The following DLG2 variants were observed in gnomAD, a reference collection of about 807,000 sequenced individuals.
DLG2 encodes discs large MAGUK scaffold protein 2.
A neutral mutation model predicts 132.5 loss-of-function variants in DLG2; 45 were observed. The observed-to-expected ratio is 0.34, with a 90% CI of 0.27 to 0.44. The LOEUF (loss-of-function observed/expected upper bound fraction) is 0.44, where lower values mean the gene tolerates loss of function less well. Ranked by LOEUF, DLG2 falls within the 20% of genes least tolerant of loss-of-function variation. DLG2 has a pLI of 1.00. For missense variants in DLG2, 1,045 were observed against 1,196.9 expected, an observed-to-expected ratio of 0.87 and a Z score of 1.87; for synonymous variants, 424 against 419.6, an observed-to-expected ratio of 1.01 and a Z score of -0.13.
chr11:83,631,697 G>C (rs183805048), intron 19 of DLG2: 36 of 152,044 alleles, frequency 2.4e-4, no homozygotes, highest in African/African-American at 8.4e-4. Flanking sequence ...TCTAGTATCT[G>C]AACAATTTAT....
chr11:84,021,867 C>T (rs1481018070), intron 11 of DLG2, among the ~76,000 whole-genome samples: 2 of 152,036 alleles, frequency 1.3e-5, no homozygotes, highest in Admixed American at 6.6e-5. Flanking sequence ...CCTGCCTCAG[C>T]CTCCCAGGTA....
chr11:84,296,193 T>C (rs566140589), intron 7 of DLG2, among the ~76,000 whole-genome samples: 1 of 152,262 alleles, frequency 6.6e-6, no homozygotes, highest in South Asian at 2.1e-4. Context: ...TAGAGCAATG[T>C]TTGGCTTTTT....
intron 6 of DLG2, among the ~76,000 whole-genome samples, chr11:84,773,131 T>C (rs2069719375): frequency 6.6e-6 from 1 of 152,060 alleles, no homozygotes; most frequent in Non-Finnish European, 1.5e-5. Flanking sequence ...GCAAAAGCTC[T>C]CCAGAAACCA....
chr11:84,714,594 T>TC (rs1565749383), intron 6 of DLG2, among the ~76,000 whole-genome samples: 13 of 113,790 alleles, frequency 1.1e-4, no homozygotes, highest in African/African-American at 4.3e-4. Flanking sequence ...TCTCTTTCTC[T>TC]TTCTTTCTCT....
chr11:83,976,327 G>T (rs751635802), intron 12 of DLG2, among the ~76,000 whole-genome samples: 1 of 151,906 alleles, frequency 6.6e-6, no homozygotes, highest in Non-Finnish European at 1.5e-5. Flanking sequence ...TTTTTCCTAA[G>T]AAGTGTCAGA....
intron 6 of DLG2, among the ~76,000 whole-genome samples, chr11:84,579,188 C>CGTGTGTGTGTGTGTGTGTGT (rs140667305): frequency 6.9e-6 from 1 of 145,596 alleles, no homozygotes; most frequent in Non-Finnish European, 1.5e-5. Flanking sequence ...GCATTATTCA[C>CGTGTGTGTGTGTGTGTGTGT]GTGTGTGTGT....
chr11:84,136,841 G>A (rs970791610), intron 9 of DLG2, among the ~76,000 whole-genome samples: 3 of 152,132 alleles, frequency 2.0e-5, no homozygotes, highest in Non-Finnish European at 4.4e-5. Flanking sequence ...GCTGGGAGCT[G>A]AAAGATCTAT....
intron 7 of DLG2, among the ~76,000 whole-genome samples, chr11:84,458,896 T>A (rs1380651883): frequency 6.6e-6 from 1 of 150,698 alleles, no homozygotes; most frequent in Admixed American, 6.6e-5. Context: ...TACACGAAAT[T>A]CTTTACATGA....
intron 17 of DLG2, chr11:83,815,103 C>T (rs758517014): frequency 1.7e-4 from 26 of 153,234 alleles, no homozygotes; most frequent in Non-Finnish European, 3.5e-4. Flanking sequence ...TTAACGATGG[C>T]CACATTTAGA....
At chr11:84,765,072 A>G (rs1403909685) in intron 6 of DLG2, among the ~76,000 whole-genome samples, 1 of 152,072 alleles carries the variant, frequency 6.6e-6, no homozygotes, top group Non-Finnish European at 1.5e-5. Context: ...CATATTATTT[A>G]TTGTATATTA....
chr11:85,203,369 A>C (rs980517719), intron 4 of DLG2, among the ~76,000 whole-genome samples: 4 of 152,004 alleles, frequency 2.6e-5, no homozygotes, highest in Admixed American at 2.6e-4. Flanking sequence ...GAAAAAGGAG[A>C]CATTACAACT....
At chr11:83,864,561 A>G (rs1028350972) in intron 16 of DLG2, among the ~76,000 whole-genome samples, 1 of 152,194 alleles carries the variant, frequency 6.6e-6, no homozygotes, top group Non-Finnish European at 1.5e-5. Flanking sequence ...CCATTGGTCA[A>G]TAAAGGTTGC....
intron 17 of DLG2, among the ~76,000 whole-genome samples, chr11:83,825,556 G>A (rs1253064548): frequency 6.6e-6 from 1 of 152,006 alleles, no homozygotes; most frequent in Non-Finnish European, 1.5e-5. Context: ...TTTAAGTGAC[G>A]CTTGGGGCAA....
chr11:85,455,148 T>C (rs1369237141), intron 3 of DLG2, among the ~76,000 whole-genome samples: 2 of 152,210 alleles, frequency 1.3e-5, no homozygotes, highest in Non-Finnish European at 2.9e-5. Context: ...ATTCTCCCTA[T>C]CCATGAGCAT....
intron 6 of DLG2, among the ~76,000 whole-genome samples, chr11:85,067,534 G>A (rs1001066822): frequency 9.2e-5 from 14 of 151,878 alleles, no homozygotes; most frequent in Non-Finnish European, 1.8e-4. Flanking sequence ...CAGAGATTCT[G>A]GTATGTTGTG....
In DLG2 at chr11:85,376,661, C is replaced by T. The variant is rs528309308; in HGVS notation, c.41-91296G>A. Among the ~76,000 whole-genome samples, 3 of 152,224 alleles carry T rather than the reference C, an allele frequency of 2.0e-5. No individual in the cohort carries two copies. In the South Asian group the frequency reaches 6.2e-4, roughly 32 times the overall value. On this transcript the variant is annotated intron_variant, in intron 3 of 27. Transcript: ENST00000376104. ...TTATCCTCTAAATGTTAATGTTATTCCCTACTGTAAGTACAGAAAATTCCT... is the reference window on the plus strand; with the variant it reads ...TTATCCTCTAAATGTTAATGTTATTTCCTACTGTAAGTACAGAAAATTCCT...
At chr11:85,517,699 G>A (rs757547096) in intron 3 of DLG2, among the ~76,000 whole-genome samples, 1 of 151,732 alleles carries the variant, frequency 6.6e-6, no homozygotes, top group Admixed American at 6.6e-5. Flanking sequence ...CTGCAGTCTT[G>A]AATCTGGGAC....
At chr11:85,598,827 A>C (rs185116694) in intron 2 of DLG2, 39 bp from the exon 3 acceptor site, 67 of 535,670 alleles carry the variant, frequency 1.3e-4, no homozygotes, top group African/African-American at 1.1e-3. Context: ...TTATGGTCTT[A>C]GCAAAATAGA....
At chr11:84,498,499 A>G (rs2099192202) in intron 7 of DLG2, among the ~76,000 whole-genome samples, 1 of 152,172 alleles carries the variant, frequency 6.6e-6, no homozygotes. Flanking sequence ...GAAAACAGCC[A>G]CAGATACAAA....
Sources: allele counts gnomAD v4.1 joint callset (sites outside exome capture counted in the v4.1 genomes callset), GRCh38; gene constraint gnomAD v4.1.1; transcripts MANE v1.5; gene names NCBI Gene and HGNC (gene_info 2026-07-23, HGNC 2026-07-21).